Variants in OSBPL1A observed in about 807,000 individuals in gnomAD.
The protein encoded by OSBPL1A is oxysterol-binding protein-related protein 1.
OSBPL1A carries 80 observed loss-of-function variants against 137.1 expected under a neutral mutation model. The observed-to-expected ratio is 0.58, with a 90% CI of 0.49 to 0.70. OSBPL1A has a LOEUF of 0.70. OSBPL1A is among the 30% of genes least tolerant of loss of function. The pLI, the probability that OSBPL1A is intolerant of heterozygous loss-of-function variation, is 0.00. For synonymous variants in OSBPL1A, 365 were observed against 389.7 expected, an observed-to-expected ratio of 0.94 and a Z score of 0.75; for missense variants, 970 against 1,129.4, an observed-to-expected ratio of 0.86 and a Z score of 2.02.
chr18:24,310,360 G>A (rs932081364), intron 13 of OSBPL1A, among the ~76,000 whole-genome samples: 29 of 150,550 alleles, frequency 1.9e-4, no homozygotes, highest in Non-Finnish European at 4.4e-5. Flanking sequence ...GGGACGAGGC[G>A]GGTGGATCAC....
At chr18:24,296,445 G>T (rs2090294352) in intron 14 of OSBPL1A, among the ~76,000 whole-genome samples, 1 of 152,088 alleles carries the variant, frequency 6.6e-6, no homozygotes, top group East Asian at 1.9e-4. Context: ...CATATCACTG[G>T]CAAACAACAC....
intron 24 of OSBPL1A, 94 bp from the exon 25 acceptor site, chr18:24,167,539 T>C (rs2086174753): frequency 9.9e-7 from 1 of 1,006,390 alleles, no homozygotes; most frequent in Non-Finnish European, 1.6e-6. Context: ...CAACAGACTG[T>C]AAATATGATG....
chr18:24,277,150 G>A (rs1194324276), intron 15 of OSBPL1A, among the ~76,000 whole-genome samples: 1 of 152,058 alleles, frequency 6.6e-6, no homozygotes, highest in Non-Finnish European at 1.5e-5. Context: ...AGGCCATTTG[G>A]TAGAAAAACA....
At chr18:24,256,552 G>A (rs2146035272) in intron 15 of OSBPL1A, among the ~76,000 whole-genome samples, 1 of 152,192 alleles carries the variant, frequency 6.6e-6, no homozygotes, top group African/African-American at 2.4e-5. Flanking sequence ...TTTAAGATAT[G>A]GAACACAACA....
intron 15 of OSBPL1A, among the ~76,000 whole-genome samples, chr18:24,273,015 C>T (rs912679060): frequency 4.6e-5 from 7 of 152,180 alleles, no homozygotes; most frequent in African/African-American, 1.4e-4. Flanking sequence ...AAGTGATTCT[C>T]GTGCCCCAGC....
chr18:24,348,688 C>A (rs2091387434), intron 4 of OSBPL1A, among the ~76,000 whole-genome samples: 1 of 151,966 alleles, frequency 6.6e-6, no homozygotes, highest in Non-Finnish European at 1.5e-5. Flanking sequence ...GCAGGAGAAT[C>A]GCTTGAACCT....
At chr18:24,390,156 T>C (rs796172593) in intron 1 of OSBPL1A, among the ~76,000 whole-genome samples, 6 of 152,234 alleles carry the variant, frequency 3.9e-5, no homozygotes, top group African/African-American at 1.4e-4. Context: ...TAGTCATACA[T>C]ATAACAACAT....
At chr18:24,314,062 G>A (rs1255828419) in intron 12 of OSBPL1A, among the ~76,000 whole-genome samples, 187 bp downstream of exon 12, 3 of 152,212 alleles carry the variant, frequency 2.0e-5, no homozygotes, top group South Asian at 4.1e-4. Flanking sequence ...CTGAGATCGC[G>A]CCACTGCACT....
chr18:24,385,013 G>A (rs181477610), intron 1 of OSBPL1A, among the ~76,000 whole-genome samples: 1 of 150,080 alleles, frequency 6.7e-6, no homozygotes, highest in East Asian at 2.0e-4. Flanking sequence ...GGAGTGCAGT[G>A]GCACAATCTC....
chr18:24,164,689 A>G lies in OSBPL1A; in HGVS notation c.2750+376T>C, dbSNP rs559317225. ...ATGATCCGCCCGCCTCGGCCTCCCAAAGTGCTGGGATTACAGACGTGAGCC... is the reference window on the plus strand; with the variant it reads ...ATGATCCGCCCGCCTCGGCCTCCCAGAGTGCTGGGATTACAGACGTGAGCC... On this transcript the variant is annotated intron_variant, in intron 27 of 27. Transcript: ENST00000319481. Among the ~76,000 whole-genome samples, 80 of 152,096 alleles carry G rather than the reference A, an allele frequency of 5.3e-4. 1 individual carries two copies. The highest frequency in any genetic ancestry group is 5.2e-3 in the Admixed American group (79 of 15,288).
intron 15 of OSBPL1A, among the ~76,000 whole-genome samples, chr18:24,240,510 T>C (rs997631421): frequency 7.2e-5 from 11 of 152,182 alleles, no homozygotes; most frequent in Admixed American, 5.2e-4. Flanking sequence ...AAATCACTAC[T>C]ATGCCTTAAT....
chr18:24,226,491 C>T (rs2088080475), intron 16 of OSBPL1A, among the ~76,000 whole-genome samples: 1 of 152,204 alleles, frequency 6.6e-6, no homozygotes, highest in African/African-American at 2.4e-5. Flanking sequence ...CCCTCATCCT[C>T]AGCTCTAAGA....
chr18:24,227,035 G>C (rs2088106665), intron 16 of OSBPL1A, among the ~76,000 whole-genome samples: 1 of 151,982 alleles, frequency 6.6e-6, no homozygotes, highest in Non-Finnish European at 1.5e-5. Context: ...GGGACTACAG[G>C]CATGCGCCAC....
In OSBPL1A at chr18:24,372,108, C is replaced by T. The variant is rs142864731; in HGVS notation, c.122-3736G>A. 1.0e-3 allele frequency among the ~76,000 whole-genome samples: 152 copies of T among 151,710 alleles called. 1 individual carries two copies. In the East Asian group the frequency reaches 0.019, roughly 19 times the overall value. On this transcript the variant is annotated intron_variant, in intron 2 of 27. Coordinates refer to ENST00000319481, the MANE Select transcript of OSBPL1A (RefSeq NM_080597.4). ...CTGGGCAAGTAGTGAAACCCTATTTCTACAAAAAATACAAAAATCAGCCAG... is the reference window on the plus strand; with the variant it reads ...CTGGGCAAGTAGTGAAACCCTATTTTTACAAAAAATACAAAAATCAGCCAG...
chr18:24,263,609 AC>A (rs1567985481), intron 15 of OSBPL1A, among the ~76,000 whole-genome samples: 1 of 152,084 alleles, frequency 6.6e-6, no homozygotes, highest in Non-Finnish European at 1.5e-5. Context: ...TTGACACAAA[AC>A]CATAGCATAA....
chr18:24,239,092 G>C (rs530764071), intron 16 of OSBPL1A, 128 bp downstream of exon 16: 1 of 1,090,364 alleles, frequency 9.2e-7, no homozygotes, highest in East Asian at 2.5e-5. Context: ...CCAATACATC[G>C]CTATCTGTTT....
intron 2 of OSBPL1A, among the ~76,000 whole-genome samples, chr18:24,373,318 A>G (rs2146200805): frequency 6.6e-6 from 1 of 152,382 alleles, no homozygotes; most frequent in Non-Finnish European, 1.5e-5. Context: ...GTAAAGTGAC[A>G]GCACTACACA....
intron 17 of OSBPL1A, among the ~76,000 whole-genome samples, chr18:24,219,223 G>A (rs976854439): frequency 1.3e-5 from 2 of 152,158 alleles, no homozygotes; most frequent in African/African-American, 4.8e-5. Flanking sequence ...GACCAAGGAG[G>A]TTGAGGCTGC....
intron 15 of OSBPL1A, among the ~76,000 whole-genome samples, chr18:24,243,051 G>T (rs907154322): frequency 6.6e-6 from 1 of 152,052 alleles, no homozygotes; most frequent in African/African-American, 2.4e-5. Flanking sequence ...CCAACACAGC[G>T]AAACCCCATC....
Sources: gnomAD v4.1 joint callset for allele counts (sites outside exome capture counted in the v4.1 genomes callset) on GRCh38, gnomAD v4.1.1 for gene constraint, MANE v1.5 for transcripts, NCBI Gene and HGNC (gene_info 2026-07-23, HGNC 2026-07-21) for gene names.